Variants in PXDNL observed in about 807,000 individuals in gnomAD.
PXDNL encodes the protein peroxidasin like, also known as probable oxidoreductase PXDNL.
In PXDNL, 145 loss-of-function variants were observed where a neutral mutation model predicts 150.8. The observed-to-expected ratio is 0.96, with a 90% CI of 0.84 to 1.10. The LOEUF (loss-of-function observed/expected upper bound fraction) is 1.10. Among genes scored for constraint, PXDNL ranks in the 50% least tolerant of loss-of-function variants. The pLI, the probability that PXDNL is intolerant of heterozygous loss-of-function variation, is 0.00. For missense variants in PXDNL, 2,087 were observed against 1,873.9 expected, an observed-to-expected ratio of 1.11 and a Z score of -2.10; for synonymous variants, 757 against 725.7, an observed-to-expected ratio of 1.04 and a Z score of -0.69.
intron 3 of PXDNL, among the ~76,000 whole-genome samples, chr8:51,586,705 A>C (rs1209966619): frequency 2.0e-5 from 3 of 152,200 alleles, no homozygotes; most frequent in Non-Finnish European, 4.4e-5. Context: ...ACTGGAGAGA[A>C]ATGGAAAATG....
chr8:51,696,577 C>T (rs1032960349), intron 1 of PXDNL, among the ~76,000 whole-genome samples: 1 of 127,116 alleles, frequency 7.9e-6, no homozygotes, highest in Non-Finnish European at 1.7e-5. Context: ...CCGCTAGACA[C>T]AACTCAAGGC....
At chr8:51,538,610 AC>A (rs1812140512) in intron 4 of PXDNL, among the ~76,000 whole-genome samples, 1 of 152,128 alleles carries the variant, frequency 6.6e-6, no homozygotes, top group Non-Finnish European at 1.5e-5. Context: ...TACTAAAAAT[AC>A]AAAAAATTAG....
At chr8:51,766,754 G>C (rs1258681114) in intron 1 of PXDNL, among the ~76,000 whole-genome samples, 1 of 150,896 alleles carries the variant, frequency 6.6e-6, no homozygotes, top group Non-Finnish European at 1.5e-5. Context: ...AAAAAAAAAA[G>C]ATGTCTTCAA....
intron 2 of PXDNL, among the ~76,000 whole-genome samples, chr8:51,607,563 G>A (rs868807101): frequency 2.6e-5 from 4 of 151,996 alleles, no homozygotes; most frequent in Admixed American, 6.6e-5. Context: ...GAGAGGGGCC[G>A]GGCACAGTGG....
intron 19 of PXDNL, among the ~76,000 whole-genome samples, chr8:51,364,771 G>A (rs969849861): frequency 2.6e-5 from 4 of 152,078 alleles, no homozygotes; most frequent in Non-Finnish European, 5.9e-5. Flanking sequence ...CATCGGTTAT[G>A]GAGAAAATTA....
intron 4 of PXDNL, among the ~76,000 whole-genome samples, chr8:51,541,927 C>T (rs1374494405): frequency 6.6e-6 from 1 of 152,134 alleles, no homozygotes; most frequent in Non-Finnish European, 1.5e-5. Flanking sequence ...AATCTGGTCT[C>T]TCCTATTCCA....
chr8:51,802,904 A>G (rs2037635690), intron 1 of PXDNL, among the ~76,000 whole-genome samples: 1 of 152,238 alleles, frequency 6.6e-6, no homozygotes, highest in Non-Finnish European at 1.5e-5. Flanking sequence ...ACTTAAACCT[A>G]CATCAACTTG....
chr8:51,546,795 A>T (rs114075417), intron 4 of PXDNL, among the ~76,000 whole-genome samples: 1 of 152,158 alleles, frequency 6.6e-6, no homozygotes, highest in African/African-American at 2.4e-5. Context: ...ATATAAACTC[A>T]GTGCAGATGG....
intron 6 of PXDNL, among the ~76,000 whole-genome samples, chr8:51,481,529 C>T (rs984162685): frequency 6.6e-6 from 1 of 152,216 alleles, no homozygotes; most frequent in Non-Finnish European, 1.5e-5. Context: ...AGGCTAATCA[C>T]CAAGACAATG....
At chr8:51,489,810 T>C (rs1316613312) in intron 5 of PXDNL, among the ~76,000 whole-genome samples, 2 of 152,202 alleles carry the variant, frequency 1.3e-5, no homozygotes, top group Non-Finnish European at 2.9e-5. Flanking sequence ...ATTTCAGGCA[T>C]TCAAGGATTA....
chr8:51,755,018 A>G (rs539800438), intron 1 of PXDNL, among the ~76,000 whole-genome samples: 68 of 152,236 alleles, frequency 4.5e-4, no homozygotes, highest in Non-Finnish European at 8.1e-4. Flanking sequence ...TGCACTGCAA[A>G]CAGTTATTAA....
intron 1 of PXDNL, among the ~76,000 whole-genome samples, chr8:51,764,876 C>T (rs1043158817): frequency 1.3e-5 from 2 of 152,166 alleles, no homozygotes; most frequent in African/African-American, 2.4e-5. Context: ...TGCTTAGTTA[C>T]TCTATCCATT....
chr8:51,347,510 T>C (rs1381733742), intron 19 of PXDNL, among the ~76,000 whole-genome samples: 1 of 152,242 alleles, frequency 6.6e-6, no homozygotes, highest in Non-Finnish European at 1.5e-5. Context: ...ACTTGTTTTC[T>C]TTTTTATTTC....
chr8:51,408,675 C>G lies in PXDNL; in HGVS notation c.2949G>C (p.Thr983=). 1 of 1,600,228 alleles carries G rather than the reference C, an allele frequency of 6.2e-7. No individual in the cohort carries two copies. The change falls in exon 17 of 23, where the codon ACG becomes ACC. Residue 983 remains threonine (T), a synonymous_variant. Coordinates refer to ENST00000356297, the MANE Select transcript of PXDNL (RefSeq NM_144651.5). ...AGTGGGGGTTCAGGGCGGACAGCTC[C>G]GTGGCCATCCTGTTGTGTTCCCGGA... The part of the protein sequence containing the change: ...LWFREHNRMA[T]ELSALNPHWE...
intron 21 of PXDNL, among the ~76,000 whole-genome samples, chr8:51,330,608 T>G (rs192742462): frequency 1.8e-3 from 276 of 152,324 alleles, no homozygotes; most frequent in African/African-American, 6.4e-3. Flanking sequence ...TTCTCAGGCC[T>G]TTCTCTTGGC....
chr8:51,623,509 T>C (rs941702682), intron 2 of PXDNL, among the ~76,000 whole-genome samples: 1 of 152,210 alleles, frequency 6.6e-6, no homozygotes, highest in Non-Finnish European at 1.5e-5. Flanking sequence ...CATGCATGTG[T>C]ATTTGGCACA....
chr8:51,564,596 T>C (rs1190591042), intron 3 of PXDNL, among the ~76,000 whole-genome samples: 6 of 151,398 alleles, frequency 4.0e-5, no homozygotes, highest in Admixed American at 3.3e-4. Flanking sequence ...ATTTAGCATT[T>C]CATGAGTCCA....
chr8:51,462,383 A>G (rs903075130), intron 8 of PXDNL, among the ~76,000 whole-genome samples: 1 of 152,242 alleles, frequency 6.6e-6, no homozygotes, highest in Non-Finnish European at 1.5e-5. Flanking sequence ...GAAAGTTGAA[A>G]CCTAATCCAA....
chr8:51,502,751 A>G (rs1811213065), intron 4 of PXDNL, among the ~76,000 whole-genome samples: 1 of 152,124 alleles, frequency 6.6e-6, no homozygotes, highest in African/African-American at 2.4e-5. Context: ...ATTTTTAAGT[A>G]GCACTAGTAT....
Sources: gnomAD v4.1 joint callset for allele counts (sites outside exome capture counted in the v4.1 genomes callset) on GRCh38, gnomAD v4.1.1 for gene constraint, MANE v1.5 for transcripts, NCBI Gene and HGNC (gene_info 2026-07-23, HGNC 2026-07-21) for gene names.